Variants in TENM1 observed in about 807,000 individuals in gnomAD.
The protein encoded by TENM1 is teneurin transmembrane protein 1.
In TENM1, 35 loss-of-function variants were observed where a neutral mutation model predicts 174.8. That is an observed-to-expected ratio of 0.20 (90% CI 0.15 to 0.27). TENM1 has a LOEUF of 0.27. TENM1 is among the 10% of genes least tolerant of loss of function. The pLI is 1.00. For synonymous variants in TENM1, 781 were observed against 798.7 expected, an observed-to-expected ratio of 0.98 and a Z score of 0.37; for missense variants, 1,633 against 2,130.1, an observed-to-expected ratio of 0.77 and a Z score of 4.59.
At chrX:124,664,515 T>C (rs5958551) in intron 6 of TENM1, among the ~76,000 whole-genome samples, 10,941 of 89,216 alleles carry the variant, frequency 0.12, 1,766 homozygotes, top group African/African-American at 0.43. Context: ...GGCATTTATG[T>C]CTCAGATAAA....
intron 5 of TENM1, among the ~76,000 whole-genome samples, chrX:124,678,305 G>A (rs1049936614): frequency 2.7e-5 from 3 of 110,902 alleles, no homozygotes; most frequent in East Asian, 2.8e-4. Context: ...CATATTCTAC[G>A]ATCTGGTTTT....
intron 1 of TENM1, among the ~76,000 whole-genome samples, chrX:124,924,294 A>G (rs768493125): frequency 8.9e-6 from 1 of 112,129 alleles, no homozygotes; most frequent in East Asian, 2.8e-4. Flanking sequence ...TCAAGCATTC[A>G]TACTATCTGA....
chrX:124,500,318 G>A, intron 19 of TENM1, among the ~76,000 whole-genome samples: 1 of 111,786 alleles, frequency 8.9e-6, no homozygotes, highest in Non-Finnish European at 1.9e-5. Context: ...CATTTTGAAG[G>A]GTGTTTTTGT....
chrX:125,067,774 C>A, the TENM1 span, among the ~76,000 whole-genome samples: 2 of 112,214 alleles, frequency 1.8e-5, no homozygotes, highest in African/African-American at 6.5e-5. Flanking sequence ...TGTTTTCAAA[C>A]TTTTACATAA....
At chrX:124,589,431 C>T (rs1171670898) in intron 11 of TENM1, among the ~76,000 whole-genome samples, 1 of 110,029 alleles carries the variant, frequency 9.1e-6, no homozygotes, top group Non-Finnish European at 1.9e-5. Flanking sequence ...ATGTTGCCTT[C>T]ATAGAATTAG....
At chrX:124,621,202 C>T (rs946107385) in intron 11 of TENM1, among the ~76,000 whole-genome samples, 1 of 111,689 alleles carries the variant, frequency 9.0e-6, no homozygotes, top group Non-Finnish European at 1.9e-5. Flanking sequence ...ATGCAGGGTG[C>T]GGTGGCTCAT....
the TENM1 span, among the ~76,000 whole-genome samples, chrX:125,050,011 T>A: frequency 3.1e-3 from 346 of 109,908 alleles, 2 homozygotes; most frequent in African/African-American, 0.01. Flanking sequence ...TTATTAATAA[T>A]AGAAAGTTTA....
At chrX:124,573,715 T>G (rs2049106195) in intron 11 of TENM1, among the ~76,000 whole-genome samples, 1 of 112,052 alleles carries the variant, frequency 8.9e-6, no homozygotes, top group African/African-American at 3.2e-5. Context: ...AATGAATTAC[T>G]ACAAATGGAG....
rs2057717110 is a variant in TENM1 at position 124,904,669 on chromosome X, C to T, written c.218-8428G>A. Among the ~76,000 whole-genome samples, 3 of 112,285 alleles carry T rather than the reference C, an allele frequency of 2.7e-5. No individual in the cohort carries two copies. In the South Asian group the frequency reaches 1.1e-3, roughly 41 times the overall value. On this transcript the variant is annotated intron_variant, in intron 1 of 31. Transcript: ENST00000422452. ...ATATTAGACTAATGGAGAACAAGTACTCAGTATCATCTTCTGACTGAAATA... is the reference window on the plus strand; with the variant it reads ...ATATTAGACTAATGGAGAACAAGTATTCAGTATCATCTTCTGACTGAAATA...
intron 3 of TENM1, among the ~76,000 whole-genome samples, chrX:124,860,899 G>A (rs371573685): frequency 1.8e-5 from 2 of 111,458 alleles, no homozygotes; most frequent in African/African-American, 3.3e-5. Context: ...TAGCAGACTC[G>A]TGACTCTAGT....
At chrX:124,776,599 T>C (rs192952753) in intron 3 of TENM1, among the ~76,000 whole-genome samples, 2 of 112,221 alleles carry the variant, frequency 1.8e-5, no homozygotes, top group East Asian at 2.8e-4. Context: ...AAAATATTTA[T>C]CTGTTTATGT....
the TENM1 span, among the ~76,000 whole-genome samples, chrX:125,120,165 C>T: frequency 1.2e-4 from 13 of 110,736 alleles, 1 homozygote; most frequent in African/African-American, 3.3e-4. Flanking sequence ...ATCAGTCCTA[C>T]GCACTAACAA....
chrX:124,429,335 C>T (rs947862821), intron 23 of TENM1, among the ~76,000 whole-genome samples: 20 of 111,066 alleles, frequency 1.8e-4, no homozygotes, highest in African/African-American at 5.9e-4. Flanking sequence ...GTTTTGACCA[C>T]GTGCCAGGCA....
At chrX:125,003,553 A>C in the TENM1 span, among the ~76,000 whole-genome samples, 3 of 111,734 alleles carry the variant, frequency 2.7e-5, no homozygotes, top group African/African-American at 9.7e-5. Flanking sequence ...TCTAACATAA[A>C]GCCTCAAGGG....
intron 18 of TENM1, among the ~76,000 whole-genome samples, chrX:124,517,673 G>A (rs2047741604): frequency 1.4e-5 from 1 of 73,177 alleles, no homozygotes; most frequent in Non-Finnish European, 2.5e-5. Context: ...TGGGGTGGGG[G>A]GAGGGGGGAG....
At chrX:124,965,192 C>G (rs1845751909), upstream of TENM1, among the ~76,000 whole-genome samples, 1 of 111,247 alleles carries the variant, frequency 9.0e-6, no homozygotes, top group South Asian at 3.8e-4. Context: ...ATTCTTCTGC[C>G]TCAGCCTCCC....
exon 8 of TENM1, chrX:124,651,917 T>G: frequency 8.3e-7 from 1 of 1,206,717 alleles, no homozygotes; most frequent in East Asian, 3.0e-5. Context: ...AGCTTACCAA[T>G]TGCTGTAGTT....
chrX:125,155,645 C>T, the TENM1 span, among the ~76,000 whole-genome samples: 152 of 100,786 alleles, frequency 1.5e-3, no homozygotes, highest in Middle Eastern at 0.021. Context: ...TAAGGCCTGG[C>T]GAGAAATCGA....
At chrX:124,704,378 C>T (rs2052846670) in intron 5 of TENM1, among the ~76,000 whole-genome samples, 1 of 111,815 alleles carries the variant, frequency 8.9e-6, no homozygotes. Flanking sequence ...AAAATCAATA[C>T]AATTTGCTAC....
Sources: gnomAD v4.1 joint callset for allele counts (sites outside exome capture counted in the v4.1 genomes callset) on GRCh38, gnomAD v4.1.1 for gene constraint, MANE v1.5 for transcripts, NCBI Gene and HGNC (gene_info 2026-07-23, HGNC 2026-07-21) for gene names.